The following NDUFV2 variants were observed in gnomAD, a reference collection of about 807,000 sequenced individuals.
NDUFV2 encodes the protein NADH:ubiquinone oxidoreductase core subunit V2, also known as NADH dehydrogenase [ubiquinone] flavoprotein 2, mitochondrial.
Under a neutral mutation model 31.6 loss-of-function variants are expected in NDUFV2, and 18 were observed. That is an observed-to-expected ratio of 0.57 (90% CI 0.39 to 0.84). The LOEUF (loss-of-function observed/expected upper bound fraction) is 0.84, where lower values mean the gene tolerates loss of function less well. Ranked by LOEUF, NDUFV2 falls within the 40% of genes least tolerant of loss-of-function variation. The pLI, the probability that NDUFV2 is intolerant of heterozygous loss-of-function variation, is 0.00. For missense variants in NDUFV2, 314 were observed against 303.6 expected, an observed-to-expected ratio of 1.03 and a Z score of -0.26; for synonymous variants, 83 against 99.8, an observed-to-expected ratio of 0.83 and a Z score of 1.01.
chr18:9,126,944 C>T (rs1265627791), intron 7 of NDUFV2, 37 bp downstream of exon 7: 6 of 1,489,730 alleles, frequency 4.0e-6, no homozygotes, highest in East Asian at 4.5e-5. Context: ...TTTAGTGGCT[C>T]ACCTAAATTA....
At chr18:9,119,267 A>G in intron 2 of NDUFV2, 59 bp from the exon 3 acceptor site, 1 of 1,247,848 alleles carries the variant, frequency 8.0e-7, no homozygotes, top group South Asian at 1.2e-5. Context: ...AGTAATGTAC[A>G]GTGTCATTCA....
chr18:9,113,469 A>G (rs1301882383), intron 1 of NDUFV2, among the ~76,000 whole-genome samples: 1 of 152,212 alleles, frequency 6.6e-6, no homozygotes, highest in African/African-American at 2.4e-5. Context: ...GGCAGGAGGC[A>G]GCATCCTGGG....
chr18:9,109,700 TGGGGCAA>T (rs1182879020), intron 1 of NDUFV2, among the ~76,000 whole-genome samples: 1 of 152,230 alleles, frequency 6.6e-6, no homozygotes, highest in Non-Finnish European at 1.5e-5. Context: ...TTGTGCGGTA[TGGGGCAA>T]GTTACTGTCT....
At chr18:9,110,807 C>T (rs2144732148) in intron 1 of NDUFV2, among the ~76,000 whole-genome samples, 1 of 152,264 alleles carries the variant, frequency 6.6e-6, no homozygotes, top group South Asian at 2.1e-4. Context: ...CGTGTCTGGC[C>T]AGCTTCTTTT....
Position 9,124,948 on chromosome 18 carries a change from A to G in NDUFV2, c.544A>G (p.Asn182Asp). ...IEVECLGACV[N>D]APMVQINDNY... The stretch of plus-strand genomic sequence containing the variant: ...AGTGGAATGTTTAGGGGCCTGTGTG[A>G]ACGCACCAATGGTTCAAATAAATGA... The change falls in exon 6 of 8, where the codon AAC (asparagine) becomes GAC (aspartate). Residue 182 changes from asparagine to aspartate, a missense_variant. By Grantham distance (23) the Asn-to-Asp change is conservative (BLOSUM62 1). Coordinates refer to ENST00000318388, the MANE Select transcript of NDUFV2 (RefSeq NM_021074.5). 1 of 1,613,780 alleles carries G rather than the reference A, an allele frequency of 6.2e-7. No homozygotes were observed. The highest frequency in any genetic ancestry group is 8.5e-7 in the Non-Finnish European group (1 of 1,179,802).
chr18:9,104,270 A>G (rs754306036), intron 1 of NDUFV2: 1 of 1,612,542 alleles, frequency 6.2e-7, no homozygotes, highest in South Asian at 1.1e-5. Context: ...CAGGGGCCAG[A>G]TATTGGAGCT....
chr18:9,126,035 T>G (rs2077987763), intron 6 of NDUFV2, among the ~76,000 whole-genome samples: 1 of 152,226 alleles, frequency 6.6e-6, no homozygotes, highest in Non-Finnish European at 1.5e-5. Context: ...TGCTTGATGT[T>G]CCACTTTCTT....
At chr18:9,107,708 T>C (rs950210676) in intron 1 of NDUFV2, among the ~76,000 whole-genome samples, 1 of 152,210 alleles carries the variant, frequency 6.6e-6, no homozygotes, top group African/African-American at 2.4e-5. Context: ...GGGAAATCAC[T>C]ATGTATGGTG....
rs377682934 is a variant in NDUFV2 at position 9,122,583 on chromosome 18, G to A, written c.371G>A (p.Arg124Gln). 16 of 1,613,774 alleles carry A rather than the reference G, an allele frequency of 9.9e-6. No individual in the cohort carries two copies. Among genetic ancestry groups the A allele is most frequent in the African/African-American group, 2.7e-5 (2 of 74,872 alleles). Residue 124 changes from arginine (R) to glutamine (Q), a missense_variant, in exon 5 of 8, where the codon CGA becomes CAA. Arg to Gln is a conservative substitution (Grantham distance 43). Transcript: ENST00000318388. ...GCAACTTTTTATACAATGTATAATC[G>A]AAAGCCAGTTGGAAAGTATCACATT... ...EVATFYTMYN[R>Q]KPVGKYHIQV...
Position 9,102,810 on chromosome 18 carries a change from A to C in NDUFV2, c.54+13A>C, listed in dbSNP as rs1454073776. On this transcript the variant is annotated intron_variant, in intron 1 of 7. Coordinates refer to ENST00000318388, the MANE Select transcript of NDUFV2 (RefSeq NM_021074.5). ...CACCGCCCACTGGGTAAGGAGGCTC[A>C]AGCTGAGCCCGGCGCTGCCGCCGCC... is the stretch of plus-strand genomic sequence containing the variant. The C allele has an allele frequency of 1.9e-6, 3 of 1,556,468 alleles. No individual in the cohort carries two copies. The highest frequency in any genetic ancestry group is 2.6e-6 in the Non-Finnish European group (3 of 1,152,546).
chr18:9,127,528 G>A (rs2078001494), intron 7 of NDUFV2, among the ~76,000 whole-genome samples: 1 of 152,158 alleles, frequency 6.6e-6, no homozygotes, highest in Non-Finnish European at 1.5e-5. Context: ...CAGTGGCGCA[G>A]TGGCACAATC....
rs745452533 is a variant in NDUFV2 at position 9,126,867 on chromosome 18, G to T, written c.616G>T (p.Asp206Tyr). The change falls in exon 7 of 8, where the codon GAT (aspartate) becomes TAT (tyrosine). Residue 206 changes from aspartate (D) to tyrosine (Y), a missense_variant. By Grantham distance (160) the Asp-to-Tyr change is radical. Coordinates refer to ENST00000318388, the MANE Select transcript of NDUFV2 (RefSeq NM_021074.5). ...LTAKDIEEII[D>Y]ELKAGKIPKP... Reference sequence around the variant, plus strand: ...AGCTAAGGATATTGAAGAAATTATTGATGAGCTCAAGGCTGGCAAAATCCC... The same window carrying T: ...AGCTAAGGATATTGAAGAAATTATTTATGAGCTCAAGGCTGGCAAAATCCC... 6.2e-7 allele frequency: 1 copy of T among 1,613,794 alleles called. No homozygotes were observed. Among genetic ancestry groups the T allele is most frequent in the South Asian group, 1.1e-5 (1 of 91,008 alleles).
chr18:9,123,947 C>T (rs12968060), intron 5 of NDUFV2, among the ~76,000 whole-genome samples: 16,588 of 152,254 alleles, frequency 0.11, 1,069 homozygotes, highest in African/African-American at 0.16. Context: ...TATGAGACTA[C>T]CCATTTTCTT....
At chr18:9,122,753 C>A in intron 5 of NDUFV2, 72 bp downstream of exon 5, 1 of 1,522,730 alleles carries the variant, frequency 6.6e-7, no homozygotes, top group South Asian at 1.1e-5. Context: ...ACATTTCTAT[C>A]TAAAATTTCC....
At chr18:9,116,388 A>G (rs2077898097) in intron 1 of NDUFV2, among the ~76,000 whole-genome samples, 1 of 152,214 alleles carries the variant, frequency 6.6e-6, no homozygotes, top group African/African-American at 2.4e-5. Flanking sequence ...CTTTTCTCTC[A>G]GAATTTAGTT....
chr18:9,115,254 C>T (rs754440414), intron 1 of NDUFV2, among the ~76,000 whole-genome samples: 38 of 152,122 alleles, frequency 2.5e-4, no homozygotes, highest in Middle Eastern at 3.4e-3. Context: ...TATTTATGGC[C>T]TTCTAGTCTT....
At chr18:9,128,309 G>A (rs2078009778) in intron 7 of NDUFV2, among the ~76,000 whole-genome samples, 2 of 152,286 alleles carry the variant, frequency 1.3e-5, no homozygotes, top group Non-Finnish European at 2.9e-5. Context: ...TGGTTCTAGA[G>A]TTTGCTCTCT....
At chr18:9,119,444 G>A (rs2077918519) in intron 3 of NDUFV2, 30 bp from the exon 4 acceptor site, 4 of 1,604,174 alleles carry the variant, frequency 2.5e-6, no homozygotes, top group Non-Finnish European at 3.4e-6. Flanking sequence ...TTTTCTAGAT[G>A]TATAAAATGA....
intron 1 of NDUFV2, among the ~76,000 whole-genome samples, chr18:9,108,163 T>G (rs1301409139): frequency 6.6e-6 from 1 of 152,232 alleles, no homozygotes; most frequent in Non-Finnish European, 1.5e-5. Flanking sequence ...GCACAGTGCC[T>G]GTAATACCTG....
Sources: gnomAD v4.1 joint callset for allele counts (sites outside exome capture counted in the v4.1 genomes callset) on GRCh38, gnomAD v4.1.1 for gene constraint, MANE v1.5 for transcripts, NCBI Gene and HGNC (gene_info 2026-07-23, HGNC 2026-07-21) for gene names.